ADAM12: variants seen among roughly 807,000 people sequenced by gnomAD.
ADAM12 encodes disintegrin and metalloproteinase domain-containing protein 12.
ADAM12 carries 70 observed loss-of-function variants against 106.4 expected under a neutral mutation model. That is an observed-to-expected ratio of 0.66 (90% CI 0.54 to 0.80). The LOEUF (loss-of-function observed/expected upper bound fraction) is 0.80, where lower values mean the gene tolerates loss of function less well. ADAM12 is among the 30% of genes least tolerant of loss of function. The probability of loss-of-function intolerance (pLI) is 0.00; values close to 1 mark genes in which losing one functional copy is unlikely to be tolerated. For missense variants in ADAM12, 1,010 were observed against 1,171.9 expected (o/e 0.86, Z 2.02); for synonymous variants, 420 against 433.5 (o/e 0.97, Z 0.39).
chr10:126,320,768 T>A (rs1854066672), intron 2 of ADAM12, among the ~76,000 whole-genome samples: 1 of 151,970 alleles, frequency 6.6e-6, no homozygotes, highest in Non-Finnish European at 1.5e-5. Flanking sequence ...ATGACCTCAA[T>A]CCCCAGAATG....
chr10:126,337,575 T>A (rs1854751539), intron 1 of ADAM12, among the ~76,000 whole-genome samples: 1 of 152,184 alleles, frequency 6.6e-6, no homozygotes, highest in South Asian at 2.1e-4. Flanking sequence ...ATGCTGCCCA[T>A]CCAGCCTGGG....
rs569501557 is a variant in ADAM12 at position 126,354,074 on chromosome 10, T to C, written c.89-23565A>G. Reference sequence around the variant, plus strand: ...AAAGAAAAAGATATTTGCATTTCTTTACTTAGACTTATTTTTTCATTGATA... The same window carrying C: ...AAAGAAAAAGATATTTGCATTTCTTCACTTAGACTTATTTTTTCATTGATA... On this transcript the variant is annotated intron_variant, in intron 1 of 22. Transcript: ENST00000448723. 3.3e-5 allele frequency among the ~76,000 whole-genome samples: 5 copies of C among 152,206 alleles called. No individual in the cohort carries two copies. The South Asian group carries it at 8.3e-4, about 25-fold the overall frequency.
intron 11 of ADAM12, among the ~76,000 whole-genome samples, chr10:126,078,321 G>A (rs555160000): frequency 6.6e-6 from 1 of 152,110 alleles, no homozygotes; most frequent in South Asian, 2.1e-4. Context: ...ATTCCAATAT[G>A]ACCTGAACCT....
chr10:126,017,380 G>C, intron 22 of ADAM12, 41 bp from the exon 23 acceptor site: 1 of 1,521,762 alleles, frequency 6.6e-7, no homozygotes, highest in Non-Finnish European at 8.9e-7. Flanking sequence ...CAGAGACCTT[G>C]AGAAGTGATT....
intron 4 of ADAM12, among the ~76,000 whole-genome samples, chr10:126,147,464 C>T (rs749305552): frequency 6.6e-6 from 1 of 152,170 alleles, no homozygotes; most frequent in East Asian, 1.9e-4. Flanking sequence ...CTTTATTGAC[C>T]TCCTAATGTT....
chr10:126,253,627 C>G (rs940213996), intron 3 of ADAM12, among the ~76,000 whole-genome samples: 3 of 152,196 alleles, frequency 2.0e-5, no homozygotes, highest in African/African-American at 7.2e-5. Flanking sequence ...CACCCACCCC[C>G]CAGAGAAAAC....
intron 18 of ADAM12, 61 bp from the exon 19 acceptor site, chr10:126,039,490 C>A: frequency 6.2e-7 from 1 of 1,601,702 alleles, no homozygotes; most frequent in South Asian, 1.1e-5. Context: ...TGGGAGGTAT[C>A]AAGTTGTGAC....
At chr10:126,249,241 T>A (rs995235358) in intron 3 of ADAM12, among the ~76,000 whole-genome samples, 1 of 152,102 alleles carries the variant, frequency 6.6e-6, no homozygotes, top group Non-Finnish European at 1.5e-5. Flanking sequence ...TACTAAAATG[T>A]AGCCACACAG....
At chr10:126,084,651 C>T (rs1212804759) in intron 11 of ADAM12, among the ~76,000 whole-genome samples, 2 of 152,204 alleles carry the variant, frequency 1.3e-5, no homozygotes, top group African/African-American at 4.8e-5. Context: ...AAGCCTGCCA[C>T]CAGGGCTGAA....
intron 1 of ADAM12, among the ~76,000 whole-genome samples, chr10:126,332,027 T>C (rs1272141508): frequency 6.6e-6 from 1 of 151,662 alleles, no homozygotes; most frequent in African/African-American, 2.4e-5. Flanking sequence ...ATGCCTTCCA[T>C]GTGCTCAAAG....
At chr10:126,297,947 G>A (rs183655040) in intron 2 of ADAM12, among the ~76,000 whole-genome samples, 19 of 152,132 alleles carry the variant, frequency 1.2e-4, no homozygotes, top group Admixed American at 7.9e-4. Flanking sequence ...GAGGGCCTGC[G>A]AAGAGGCAGT....
chr10:126,356,832 C>T (rs1371759702), intron 1 of ADAM12, among the ~76,000 whole-genome samples: 1 of 152,038 alleles, frequency 6.6e-6, no homozygotes, highest in Admixed American at 6.5e-5. Flanking sequence ...AATACAATGG[C>T]TAAACTTTAA....
intron 21 of ADAM12, among the ~76,000 whole-genome samples, chr10:126,032,626 T>G (rs58012109): frequency 0.021 from 3,143 of 152,148 alleles, 108 homozygotes; most frequent in African/African-American, 0.069. Context: ...TTGCTTAAAA[T>G]AAATAAAAAA....
chr10:126,170,080 C>T (rs1957092177), intron 3 of ADAM12, among the ~76,000 whole-genome samples: 1 of 152,200 alleles, frequency 6.6e-6, no homozygotes, highest in Non-Finnish European at 1.5e-5. Context: ...TGCTTTGAGG[C>T]AGAAGGGGAT....
intron 14 of ADAM12, among the ~76,000 whole-genome samples, chr10:126,052,462 G>A (rs534252837): frequency 6.6e-6 from 1 of 152,172 alleles, no homozygotes; most frequent in Non-Finnish European, 1.5e-5. Flanking sequence ...TCTTTCTTGG[G>A]AATTGTGACC....
At chr10:126,162,402 G>C (rs1033512924) in intron 3 of ADAM12, among the ~76,000 whole-genome samples, 3 of 152,112 alleles carry the variant, frequency 2.0e-5, no homozygotes, top group Non-Finnish European at 2.9e-5. Flanking sequence ...AGAGGGGAGG[G>C]GAAATGACAC....
intron 3 of ADAM12, among the ~76,000 whole-genome samples, chr10:126,201,250 C>T (rs146309098): frequency 3.3e-5 from 5 of 152,232 alleles, no homozygotes; most frequent in South Asian, 2.1e-4. Context: ...TCTTTGCAGA[C>T]GTAACCAAGC....
At chr10:126,286,189 T>C (rs781474316) in intron 2 of ADAM12, among the ~76,000 whole-genome samples, 9 of 152,162 alleles carry the variant, frequency 5.9e-5, no homozygotes, top group Non-Finnish European at 1.2e-4. Context: ...TTGGTGTTTT[T>C]CTCTCTTTAG....
chr10:126,135,632 C>T lies in ADAM12; in HGVS notation c.368G>A (p.Arg123Gln), dbSNP rs752809671. The change falls in exon 5 of 23, where the codon CGG becomes CAG. Residue 123 changes from arginine to glutamine, a missense_variant. Arg to Gln is a conservative substitution (Grantham distance 43). Coordinates refer to ENST00000448723, the MANE Select transcript of ADAM12 (RefSeq NM_001288973.2). ...TGHCYYHGHV[R>Q]GYSDSAVSLS... ...ACTGACTGCTGAATCAGAATATCCC[C>T]GTACATGTCCATGGTAGTAACAGTG... is the stretch of plus-strand genomic sequence containing the variant. The T allele has an allele frequency of 1.5e-5, 25 of 1,614,050 alleles. No individual in the cohort carries two copies. Among genetic ancestry groups the T allele is most frequent in the African/African-American group, 9.3e-5 (7 of 74,932 alleles).
Sources: gnomAD v4.1 joint callset for allele counts (sites outside exome capture counted in the v4.1 genomes callset) on GRCh38, gnomAD v4.1.1 for gene constraint, MANE v1.5 for transcripts, NCBI Gene and HGNC (gene_info 2026-07-23, HGNC 2026-07-21) for gene names.